The following VTI1A variants were observed in gnomAD, a reference collection of about 807,000 sequenced individuals.
The protein encoded by VTI1A is vesicle transport through interaction with t-SNAREs 1A.
A neutral mutation model predicts 34.9 loss-of-function variants in VTI1A; 22 were observed. The ratio of observed to expected loss-of-function variants is 0.63; its 90% CI spans 0.45 to 0.90. The LOEUF (loss-of-function observed/expected upper bound fraction) is 0.90, where lower values mean the gene tolerates loss of function less well. Among genes scored for constraint, VTI1A ranks in the 40% least tolerant of loss-of-function variants. The probability of loss-of-function intolerance (pLI) is 0.00; values close to 1 mark genes in which losing one functional copy is unlikely to be tolerated. For synonymous variants in VTI1A, 87 were observed against 97.3 expected (o/e 0.89, Z 0.62); for missense variants, 268 against 275.6 (o/e 0.97, Z 0.20).
intron 7 of VTI1A, among the ~76,000 whole-genome samples, chr10:112,739,249 T>TG (rs1342371960): frequency 5.9e-5 from 9 of 152,150 alleles, no homozygotes; most frequent in Non-Finnish European, 1.0e-4. Flanking sequence ...TCAAGCCACT[T>TG]GGGGGGTTGA....
chr10:112,652,038 T>C (rs1394714988), intron 5 of VTI1A, among the ~76,000 whole-genome samples: 2 of 152,172 alleles, frequency 1.3e-5, no homozygotes, highest in East Asian at 3.8e-4. Flanking sequence ...ATATTTGGAA[T>C]TCTATAGTGA....
intron 5 of VTI1A, among the ~76,000 whole-genome samples, chr10:112,590,760 A>C (rs144860409): frequency 5.9e-5 from 9 of 152,312 alleles, no homozygotes; most frequent in Non-Finnish European, 1.2e-4. Flanking sequence ...AACAGAAGGT[A>C]TATGCCCAAG....
intron 7 of VTI1A, among the ~76,000 whole-genome samples, chr10:112,674,531 T>G (rs1055777722): frequency 6.6e-6 from 1 of 152,218 alleles, no homozygotes; most frequent in Non-Finnish European, 1.5e-5. Context: ...ATAACATGCT[T>G]GTGCCTTTAA....
chr10:112,656,508 C>A (rs1468900090), intron 5 of VTI1A, among the ~76,000 whole-genome samples: 1 of 148,860 alleles, frequency 6.7e-6, no homozygotes, highest in Non-Finnish European at 1.5e-5. Flanking sequence ...CAGGAGCATA[C>A]CACACCCAGA....
chr10:112,447,455 C>G lies in VTI1A; in HGVS notation c.82C>G (p.Arg28Gly). 1 of 1,613,412 alleles carries G rather than the reference C, an allele frequency of 6.2e-7. No homozygotes were observed. The highest frequency in any genetic ancestry group is 8.5e-7 in the Non-Finnish European group (1 of 1,179,910). Residue 28 changes from arginine to glycine, a missense_variant, in exon 1 of 8, where the codon CGA becomes GGA. By Grantham distance (125) the Arg-to-Gly change is moderately radical (BLOSUM62 -2). Transcript: ENST00000393077. ...EITSKIARVP[R>G]LPPDEKKQMV... is the part of the protein sequence containing the mutation. Reference sequence around the variant, plus strand: ...CACCAGCAAGATTGCGAGGGTCCCACGACTCCCGCCTGGTGAGAGCCTTGC... The same window carrying G: ...CACCAGCAAGATTGCGAGGGTCCCAGGACTCCCGCCTGGTGAGAGCCTTGC...
chr10:112,537,095 TTTA>T (rs1290255190), intron 4 of VTI1A, among the ~76,000 whole-genome samples: 2 of 151,764 alleles, frequency 1.3e-5, no homozygotes, highest in Non-Finnish European at 2.9e-5. Context: ...CACCTCCTTT[TTTA>T]TTATTATTAG....
chr10:112,518,649 G>T (rs1410365719), intron 3 of VTI1A, among the ~76,000 whole-genome samples: 2 of 71,894 alleles, frequency 2.8e-5, no homozygotes, highest in Non-Finnish European at 3.7e-5. Flanking sequence ...GTGTATATAC[G>T]TGTATATATA....
intron 3 of VTI1A, among the ~76,000 whole-genome samples, chr10:112,489,320 C>T (rs1238032971): frequency 1.3e-5 from 2 of 152,168 alleles, no homozygotes; most frequent in Admixed American, 6.5e-5. Flanking sequence ...TGAATCTCTG[C>T]TTTATTTAAT....
intron 3 of VTI1A, among the ~76,000 whole-genome samples, chr10:112,471,979 TGGTATAA>T (rs1409669827): frequency 6.6e-6 from 1 of 152,206 alleles, no homozygotes; most frequent in Non-Finnish European, 1.5e-5. Context: ...AGTGGTGTGC[TGGTATAA>T]GGTTCTAAAG....
chr10:112,655,080 C>A (rs1402356227), intron 5 of VTI1A, among the ~76,000 whole-genome samples: 3 of 152,196 alleles, frequency 2.0e-5, no homozygotes, highest in Non-Finnish European at 4.4e-5. Context: ...TCTTAGGGAA[C>A]CAGCATCACC....
chr10:112,599,047 C>T (rs74798700), intron 5 of VTI1A, among the ~76,000 whole-genome samples: 1,973 of 152,244 alleles, frequency 0.013, 15 homozygotes, highest in Middle Eastern at 0.037. Flanking sequence ...CATACCAGTC[C>T]GTCTTTGACT....
intron 7 of VTI1A, among the ~76,000 whole-genome samples, chr10:112,675,930 ATAGTC>A (rs1055711915): frequency 6.6e-6 from 1 of 152,204 alleles, no homozygotes; most frequent in African/African-American, 2.4e-5. Context: ...AGGGATAACA[ATAGTC>A]TTTACTATGG....
intron 3 of VTI1A, among the ~76,000 whole-genome samples, chr10:112,502,267 A>G (rs572702281): frequency 8.5e-5 from 13 of 152,088 alleles, no homozygotes; most frequent in Non-Finnish European, 1.6e-4. Flanking sequence ...TCCTAAGCCC[A>G]GGCAAATCCT....
chr10:112,774,987 A>G (rs1008839929), intron 7 of VTI1A, among the ~76,000 whole-genome samples: 20 of 152,290 alleles, frequency 1.3e-4, no homozygotes, highest in African/African-American at 4.6e-4. Flanking sequence ...CCTGAGAACA[A>G]TGACGCCTGT....
At chr10:112,672,181 A>G (rs1477085317) in intron 7 of VTI1A, among the ~76,000 whole-genome samples, 1 of 151,598 alleles carries the variant, frequency 6.6e-6, no homozygotes, top group Non-Finnish European at 1.5e-5. Context: ...AAAAAAAAAT[A>G]GGGAAATAGA....
intron 3 of VTI1A, among the ~76,000 whole-genome samples, chr10:112,492,146 C>T (rs928605968): frequency 1.3e-5 from 2 of 152,154 alleles, no homozygotes; most frequent in African/African-American, 2.4e-5. Flanking sequence ...CCATTGCTAA[C>T]GAAGATTCTG....
chr10:112,676,391 G>A (rs117161620), intron 7 of VTI1A, among the ~76,000 whole-genome samples: 2 of 151,940 alleles, frequency 1.3e-5, no homozygotes, highest in East Asian at 1.9e-4. Flanking sequence ...TGTTTAGGGA[G>A]GGGGGGCTCC....
intron 3 of VTI1A, among the ~76,000 whole-genome samples, chr10:112,507,438 T>A (rs2134170223): frequency 6.6e-6 from 1 of 152,296 alleles, no homozygotes; most frequent in Non-Finnish European, 1.5e-5. Context: ...CTTTGAAGAT[T>A]CTGAATGCGT....
intron 7 of VTI1A, among the ~76,000 whole-genome samples, chr10:112,784,511 T>C (rs189690690): frequency 2.6e-4 from 40 of 152,322 alleles, no homozygotes; most frequent in Admixed American, 7.8e-4. Context: ...GACAAACTCA[T>C]TTGGAGTAAA....
Sources: allele counts gnomAD v4.1 joint callset (sites outside exome capture counted in the v4.1 genomes callset), GRCh38; gene constraint gnomAD v4.1.1; transcripts MANE v1.5; gene names NCBI Gene and HGNC (gene_info 2026-07-23, HGNC 2026-07-21).